ASIC2: variants seen among roughly 807,000 people sequenced by gnomAD.
The protein encoded by ASIC2 is acid-sensing ion channel 2.
In ASIC2, 25 loss-of-function variants were observed where a neutral mutation model predicts 57.3. That is an observed-to-expected ratio of 0.44 (90% CI 0.32 to 0.61). The LOEUF is 0.61. Among genes scored for constraint, ASIC2 ranks in the 20% least tolerant of loss-of-function variants. The probability of loss-of-function intolerance (pLI) is 0.06; values close to 1 mark genes in which losing one functional copy is unlikely to be tolerated. For missense variants in ASIC2, 641 were observed against 738.1 expected, an observed-to-expected ratio of 0.87 and a Z score of 1.52; for synonymous variants, 319 against 307.5, an observed-to-expected ratio of 1.04 and a Z score of -0.39.
intron 3 of ASIC2, among the ~76,000 whole-genome samples, chr17:33,035,907 TAC>T (rs1217349648): frequency 2.6e-5 from 4 of 152,214 alleles, no homozygotes; most frequent in African/African-American, 7.2e-5. Context: ...CAACCCTGAA[TAC>T]TGATTTCTGG....
chr17:33,989,565 C>T (rs1732590830), intron 1 of ASIC2, among the ~76,000 whole-genome samples: 1 of 150,440 alleles, frequency 6.6e-6, no homozygotes, highest in Non-Finnish European at 1.5e-5. Context: ...CAGTGCCACA[C>T]CCACCACTTC....
intron 1 of ASIC2, among the ~76,000 whole-genome samples, chr17:33,658,182 A>G (rs1483862393): frequency 2.6e-5 from 4 of 152,202 alleles, no homozygotes; most frequent in Admixed American, 2.6e-4. Context: ...CTGAGCCCAG[A>G]GCACAGTGAA....
At position 33,820,024 on chromosome 17, in the gene ASIC2, G is replaced by A. The variant is rs116510383; in HGVS notation, c.555+335954C>T. Among the ~76,000 whole-genome samples the A allele has an allele frequency of 3.0e-3, 453 of 152,238 alleles. 2 individuals are homozygous for A. Among genetic ancestry groups the A allele is most frequent in the African/African-American group, 0.01 (435 of 41,554 alleles). On this transcript the variant is annotated intron_variant, in intron 1 of 9. Transcript: ENST00000359872. ...AAAATCTGAGACTCTTATGGAGTTT[G>A]CAGTCAGAAACGAGACAATGATAGA... is the stretch of plus-strand genomic sequence containing the variant.
At chr17:33,437,451 CAT>C (rs1279091895) in intron 1 of ASIC2, among the ~76,000 whole-genome samples, 2 of 152,134 alleles carry the variant, frequency 1.3e-5, no homozygotes, top group African/African-American at 2.4e-5. Flanking sequence ...TTAAAACCCA[CAT>C]ATATATCCAG....
chr17:33,858,080 T>C lies in ASIC2; in HGVS notation c.555+297898A>G, dbSNP rs1250973427. Reference sequence around the variant, plus strand: ...CTCTGAGCTCTAGTCATCCACAGAATTCTCACAGGCAGGTGGAGACTCTCC... The same window carrying C: ...CTCTGAGCTCTAGTCATCCACAGAACTCTCACAGGCAGGTGGAGACTCTCC... On this transcript the variant is annotated intron_variant, in intron 1 of 9. Transcript: ENST00000359872. Among the ~76,000 whole-genome samples the C allele has an allele frequency of 2.0e-5, 3 of 152,180 alleles. No individual in the cohort carries two copies. In the East Asian group the frequency reaches 5.8e-4, roughly 29 times the overall value.
At chr17:33,557,405 G>A (rs998409875) in intron 1 of ASIC2, among the ~76,000 whole-genome samples, 1 of 152,180 alleles carries the variant, frequency 6.6e-6, no homozygotes, top group Non-Finnish European at 1.5e-5. Context: ...TAAGTGCAAT[G>A]TTAACAGTCA....
intron 1 of ASIC2, among the ~76,000 whole-genome samples, chr17:33,773,709 C>A (rs891933487): frequency 4.0e-5 from 6 of 149,042 alleles, no homozygotes; most frequent in Non-Finnish European, 5.9e-5. Context: ...GGCTGGAGTG[C>A]AGTGGTGCAA....
At chr17:33,593,355 C>G (rs1760497220) in intron 1 of ASIC2, among the ~76,000 whole-genome samples, 1 of 147,524 alleles carries the variant, frequency 6.8e-6, no homozygotes, top group Non-Finnish European at 1.5e-5. Context: ...TCTGGGTCCC[C>G]TCATTGGTAA....
intron 1 of ASIC2, among the ~76,000 whole-genome samples, chr17:33,950,765 C>G (rs1283294702): frequency 6.6e-6 from 1 of 152,254 alleles, no homozygotes; most frequent in Non-Finnish European, 1.5e-5. Context: ...TCTGGGGAAT[C>G]TGCAAGGGCT....
chr17:33,048,727 C>G (rs2091964458), intron 3 of ASIC2, among the ~76,000 whole-genome samples: 1 of 152,116 alleles, frequency 6.6e-6, no homozygotes, highest in Admixed American at 6.5e-5. Context: ...GGGAGTTCTC[C>G]CTGGGTCCTG....
intron 2 of ASIC2, among the ~76,000 whole-genome samples, chr17:33,111,181 C>G (rs1335900422): frequency 6.6e-6 from 1 of 152,126 alleles, no homozygotes; most frequent in African/African-American, 2.4e-5. Flanking sequence ...CTGGATGATC[C>G]AAGACCATCT....
At chr17:33,858,284 C>G (rs1914014520) in intron 1 of ASIC2, among the ~76,000 whole-genome samples, 1 of 152,140 alleles carries the variant, frequency 6.6e-6, no homozygotes, top group Non-Finnish European at 1.5e-5. Context: ...ACTCTATAGC[C>G]AGAGAAGCAC....
At chr17:33,455,492 G>A (rs1912417405) in intron 1 of ASIC2, among the ~76,000 whole-genome samples, 1 of 152,202 alleles carries the variant, frequency 6.6e-6, no homozygotes, top group Non-Finnish European at 1.5e-5. Flanking sequence ...ACCTCCAGCT[G>A]CATCCACGTT....
At chr17:33,482,702 C>A (rs987347367) in intron 1 of ASIC2, among the ~76,000 whole-genome samples, 2 of 152,200 alleles carry the variant, frequency 1.3e-5, no homozygotes, top group African/African-American at 2.4e-5. Context: ...CCCAGGTCCT[C>A]TAACTCCTAA....
intron 1 of ASIC2, among the ~76,000 whole-genome samples, chr17:33,651,672 T>C (rs1403037346): frequency 6.6e-6 from 1 of 152,182 alleles, no homozygotes; most frequent in Non-Finnish European, 1.5e-5. Flanking sequence ...TATGGCAAGG[T>C]TGAGTCAGGC....
intron 1 of ASIC2, among the ~76,000 whole-genome samples, chr17:34,150,817 G>C (rs58347783): frequency 0.19 from 29,625 of 152,040 alleles, 3,544 homozygotes; most frequent in East Asian, 0.36. Flanking sequence ...TGGAGAAAGA[G>C]GTATAAAAAG....
intron 1 of ASIC2, among the ~76,000 whole-genome samples, chr17:33,623,155 C>A (rs1161937449): frequency 1.3e-5 from 2 of 152,154 alleles, no homozygotes; most frequent in African/African-American, 2.4e-5. Flanking sequence ...GGGTTTCTGG[C>A]AAGTGATGAC....
chr17:33,526,487 G>A (rs564190351), intron 1 of ASIC2, among the ~76,000 whole-genome samples: 1 of 152,302 alleles, frequency 6.6e-6, no homozygotes, highest in South Asian at 2.1e-4. Context: ...CCGGAGCTGA[G>A]TCTGACAGAT....
rs1044580236 is a variant in ASIC2, at chr17:33,240,779, G to A, written c.708+50629C>T. Among the ~76,000 whole-genome samples, 8 of 152,056 alleles carry A rather than the reference G, an allele frequency of 5.3e-5. No individual in the cohort carries two copies. The South Asian group carries it at 1.5e-3, about 28-fold the overall frequency. The stretch of plus-strand genomic sequence containing the variant: ...CTGGTTCTTGCTCCACTCCCTCTGG[G>A]TGTCTTCCTCCATAAATCAAGATGC... On this transcript the variant is annotated intron_variant, in intron 1 of 9. Transcript: ENST00000225823.
Sources: gnomAD v4.1 joint callset for allele counts (sites outside exome capture counted in the v4.1 genomes callset) on GRCh38, gnomAD v4.1.1 for gene constraint, MANE v1.5 for transcripts, NCBI Gene and HGNC (gene_info 2026-07-23, HGNC 2026-07-21) for gene names.